Variants in PCDHAC1 observed in about 807,000 individuals in gnomAD.
PCDHAC1 encodes protocadherin alpha subfamily C, 1.
PCDHAC1 carries 42 observed loss-of-function variants against 60.0 expected under a neutral mutation model. That is an observed-to-expected ratio of 0.70 (90% CI 0.55 to 0.90). PCDHAC1 has a LOEUF of 0.90. PCDHAC1 is among the 40% of genes least tolerant of loss of function. The pLI is 0.00. For missense variants in PCDHAC1, 1,160 were observed against 1,222.3 expected, an observed-to-expected ratio of 0.95 and a Z score of 0.76; for synonymous variants, 468 against 499.3, an observed-to-expected ratio of 0.94 and a Z score of 0.84.
intron 1 of PCDHAC1, among the ~76,000 whole-genome samples, chr5:140,941,214 C>CCTTCCTTTCTTTCTTTCTTTCTTT (rs1554214040): frequency 1.1e-4 from 13 of 122,412 alleles, no homozygotes; most frequent in Non-Finnish European, 1.5e-4. Flanking sequence ...TTTCTTTCTT[C>CCTTCCTTTCTTTCTTTCTTTCTTT]CTTTCTTTCT....
Position 140,927,191 on chromosome 5 carries a change from T to TG in PCDHAC1, c.300dup (p.Leu101AlafsTer19). On this transcript the variant is annotated frameshift_variant, in exon 1 of 4. Coordinates refer to ENST00000253807, the MANE Select transcript of PCDHAC1 (RefSeq NM_018898.5). LOFTEE classifies it high-confidence loss of function. ...GCCTGCGTCTTGACCTACGACCTGGTGCTCGAGGACCCGCTGGAGCTGCAC... is the reference window on the plus strand; with the variant it reads ...GCCTGCGTCTTGACCTACGACCTGGTGGCTCGAGGACCCGCTGGAGCTGCAC... The TG allele has an allele frequency of 6.2e-7, 1 of 1,614,144 alleles. No individual in the cohort carries two copies. Among genetic ancestry groups the TG allele is most frequent in the East Asian group, 2.2e-5 (1 of 44,868 alleles).
rs145229632 is a variant in PCDHAC1 at position 140,928,096 on chromosome 5, C to A, written c.1204C>A (p.Pro402Thr). ...DNYYSLLIDG[P>T]LDREQISEYQ... ...CTACTACAGCCTGCTGATTGATGGG[C>A]CCCTGGACCGGGAGCAGATCAGTGA... The change falls in exon 1 of 4, where the codon CCC becomes ACC. Residue 402 changes from proline (P) to threonine (T), a missense_variant. Pro to Thr is a conservative substitution (Grantham distance 38). Coordinates refer to ENST00000253807, the MANE Select transcript of PCDHAC1 (RefSeq NM_018898.5). 3.5e-5 allele frequency: 57 copies of A among 1,614,052 alleles called. No homozygotes were observed. In the African/African-American group the frequency reaches 6.8e-4, roughly 19 times the overall value.
chr5:140,982,461 G>C lies in PCDHAC1; in HGVS notation c.2493-14G>C, dbSNP rs765899879. Reference sequence around the variant, plus strand: ...TATGATCTAACCGTTATCTGGGTCTGTGTGTTTATTCAGCTCTGTGCACCT... The same window carrying C: ...TATGATCTAACCGTTATCTGGGTCTCTGTGTTTATTCAGCTCTGTGCACCT... On this transcript the variant is annotated splice_polypyrimidine_tract_variant and intron_variant, in intron 2 of 3. Coordinates refer to ENST00000253807, the MANE Select transcript of PCDHAC1 (RefSeq NM_018898.5). 4.3e-6 allele frequency: 7 copies of C among 1,613,970 alleles called. No homozygotes were observed. The Admixed American group carries it at 6.7e-5, about 15-fold the overall frequency.
chr5:140,946,326 A>T (rs1554217498), intron 1 of PCDHAC1, among the ~76,000 whole-genome samples: 1 of 151,914 alleles, frequency 6.6e-6, no homozygotes, highest in East Asian at 1.9e-4. Context: ...GAAAGAGGAA[A>T]GATAACAAGT....
chr5:140,952,948 A>AG (rs1177459807), intron 1 of PCDHAC1, among the ~76,000 whole-genome samples: 39 of 152,028 alleles, frequency 2.6e-4, no homozygotes, highest in African/African-American at 8.5e-4. Context: ...GAGAGAGAGA[A>AG]GGGGGAAGTG....
chr5:140,936,312 C>A (rs2090900162), intron 1 of PCDHAC1, among the ~76,000 whole-genome samples: 1 of 152,166 alleles, frequency 6.6e-6, no homozygotes, highest in Non-Finnish European at 1.5e-5. Context: ...ATAGAACTTT[C>A]TGACATGCTA....
At chr5:140,955,458 T>C (rs246018) in intron 1 of PCDHAC1, among the ~76,000 whole-genome samples, 85,567 of 151,850 alleles carry the variant, frequency 0.56, 24,724 homozygotes, top group African/African-American at 0.69. Flanking sequence ...AAGGGCTTTT[T>C]CCTTTTTGCT....
intron 3 of PCDHAC1, among the ~76,000 whole-genome samples, chr5:140,997,565 A>G (rs552009994): frequency 6.6e-6 from 1 of 152,292 alleles, no homozygotes; most frequent in South Asian, 2.1e-4. Flanking sequence ...CAACTGTCAT[A>G]TGTGTGGTCC....
chr5:140,954,652 T>C (rs541171307), intron 1 of PCDHAC1, among the ~76,000 whole-genome samples: 24 of 152,356 alleles, frequency 1.6e-4, no homozygotes, highest in African/African-American at 5.8e-4. Flanking sequence ...TTTAAGTTCC[T>C]TGTAGACTCT....
chr5:140,979,110 C>A, intron 2 of PCDHAC1, 103 bp downstream of exon 2: 1 of 1,515,726 alleles, frequency 6.6e-7, no homozygotes, highest in East Asian at 2.3e-5. Flanking sequence ...AACTAAAAAG[C>A]TTTAGGTACT....
intron 3 of PCDHAC1, among the ~76,000 whole-genome samples, chr5:140,999,763 T>C (rs1475737646): frequency 2.0e-5 from 3 of 152,200 alleles, no homozygotes; most frequent in African/African-American, 7.2e-5. Flanking sequence ...ACATGATGTC[T>C]TTATACTCTT....
At chr5:140,990,542 C>T (rs2097399330) in intron 3 of PCDHAC1, among the ~76,000 whole-genome samples, 1 of 152,180 alleles carries the variant, frequency 6.6e-6, no homozygotes, top group South Asian at 2.1e-4. Context: ...ATCATAGATA[C>T]TGTATTACCC....
chr5:141,000,616 C>A (rs1227863226), intron 3 of PCDHAC1, among the ~76,000 whole-genome samples: 1 of 150,774 alleles, frequency 6.6e-6, no homozygotes, highest in African/African-American at 2.4e-5. Context: ...TTAGTAGAGA[C>A]AGGGTTTCAC....
At chr5:140,973,107 G>A (rs2096572271) in intron 1 of PCDHAC1, among the ~76,000 whole-genome samples, 1 of 152,192 alleles carries the variant, frequency 6.6e-6, no homozygotes, top group South Asian at 2.1e-4. Flanking sequence ...TTATGAAAGA[G>A]TAGCAGAGAT....
Position 140,927,300 on chromosome 5 carries a change from C to T in PCDHAC1, c.408C>T (p.Phe136=), listed in dbSNP as rs2084061617. 2 of 1,614,052 alleles carry T rather than the reference C, an allele frequency of 1.2e-6. No individual in the cohort carries two copies. Among genetic ancestry groups the T allele is most frequent in the South Asian group, 2.2e-5 (2 of 91,086 alleles). The change falls in exon 1 of 4, where the codon TTC becomes TTT. Residue 136 remains phenylalanine (F), a synonymous_variant. Transcript: ENST00000253807. ...ACGTGCAGCTGCACATCCCCGAGTT[C>T]CTGACGCCCGGAGCCCGCTTTACTC... ...AGDVQLHIPE[F]LTPGARFTLP...
intron 1 of PCDHAC1, among the ~76,000 whole-genome samples, chr5:140,959,833 T>C (rs539062460): frequency 1.3e-5 from 2 of 152,366 alleles, no homozygotes; most frequent in East Asian, 3.9e-4. Context: ...TAATGTATTA[T>C]GCCTGTAACT....
At chr5:140,941,558 A>G (rs903071259) in intron 1 of PCDHAC1, among the ~76,000 whole-genome samples, 1 of 151,596 alleles carries the variant, frequency 6.6e-6, no homozygotes, top group African/African-American at 2.4e-5. Context: ...CTCGTGATCC[A>G]TTCGCCTCAG....
At chr5:140,978,397 C>G (rs2096799745) in intron 1 of PCDHAC1, among the ~76,000 whole-genome samples, 1 of 152,080 alleles carries the variant, frequency 6.6e-6, no homozygotes, top group Non-Finnish European at 1.5e-5. Flanking sequence ...CCCTAGTATC[C>G]CTCTTCAATC....
At chr5:140,990,740 G>A (rs76434886) in intron 3 of PCDHAC1, among the ~76,000 whole-genome samples, 1 of 152,170 alleles carries the variant, frequency 6.6e-6, no homozygotes, top group African/African-American at 2.4e-5. Flanking sequence ...AACAGCCCTA[G>A]GGTGGATACC....
Sources: gnomAD v4.1 joint callset for allele counts (sites outside exome capture counted in the v4.1 genomes callset) on GRCh38, gnomAD v4.1.1 for gene constraint, MANE v1.5 for transcripts, NCBI Gene and HGNC (gene_info 2026-07-23, HGNC 2026-07-21) for gene names.